The following SPOCK3 variants were observed in gnomAD, a reference collection of about 807,000 sequenced individuals.
The protein encoded by SPOCK3 is testican-3.
In SPOCK3, 30 loss-of-function variants were observed where a neutral mutation model predicts 56.6. That is an observed-to-expected ratio of 0.53 (90% CI 0.40 to 0.72). The LOEUF (loss-of-function observed/expected upper bound fraction) is 0.72, where lower values mean the gene tolerates loss of function less well. Ranked by LOEUF, SPOCK3 falls within the 30% of genes least tolerant of loss-of-function variation. The probability of loss-of-function intolerance (pLI) is 0.00; values close to 1 mark genes in which losing one functional copy is unlikely to be tolerated. For missense variants in SPOCK3, 527 were observed against 530.0 expected, an observed-to-expected ratio of 0.99 and a Z score of 0.06; for synonymous variants, 196 against 183.3, an observed-to-expected ratio of 1.07 and a Z score of -0.56.
intron 5 of SPOCK3, 90 bp from the exon 6 acceptor site, chr4:166,889,334 A>G (rs1375986281): frequency 2.6e-6 from 2 of 782,490 alleles, no homozygotes; most frequent in East Asian, 5.2e-5. Context: ...GTAATTTTTG[A>G]TGCATATAAT....
Position 167,036,793 on chromosome 4 carries a change from A to AT in SPOCK3, c.235+25698dup, listed in dbSNP as rs200897070. On this transcript the variant is annotated intron_variant, in intron 3 of 10. Transcript: ENST00000357545. ...ACGACTCTCTAGGTTTTTATGGTTT[A>AT]TTTTTTTTTAATATTTAGATGGCTT... 9.0e-3 allele frequency among the ~76,000 whole-genome samples: 1,346 copies of AT among 150,212 alleles called. 19 individuals are homozygous for AT. Among genetic ancestry groups the AT allele is most frequent in the African/African-American group, 0.03 (1,248 of 41,154 alleles).
intron 2 of SPOCK3, among the ~76,000 whole-genome samples, chr4:167,227,889 T>C (rs1037107350): frequency 2.6e-5 from 4 of 152,180 alleles, no homozygotes; most frequent in Admixed American, 6.5e-5. Flanking sequence ...TGGTACACGA[T>C]GTTCCTTTTG....
At chr4:166,934,291 C>A (rs555235121) in intron 4 of SPOCK3, among the ~76,000 whole-genome samples, 2 of 150,458 alleles carry the variant, frequency 1.3e-5, no homozygotes, top group Admixed American at 6.6e-5. Context: ...GAGATGGAAC[C>A]ATCCTGGCTA....
rs549110278 is a variant in SPOCK3, at chr4:167,088,844, C to T, written c.190-26307G>A. Reference sequence around the variant, plus strand: ...TTTTATAGTAGCTAGTACCTACATTCGATGATGAATCCTACCTTGTAATTG... The same window carrying T: ...TTTTATAGTAGCTAGTACCTACATTTGATGATGAATCCTACCTTGTAATTG... On this transcript the variant is annotated intron_variant, in intron 2 of 10. Transcript: ENST00000357545. Among the ~76,000 whole-genome samples the T allele has an allele frequency of 8.5e-5, 13 of 152,196 alleles. No individual in the cohort carries two copies. In the East Asian group the frequency reaches 1.2e-3, roughly 14 times the overall value.
At chr4:167,100,315 G>C (rs1269125914) in intron 2 of SPOCK3, among the ~76,000 whole-genome samples, 1 of 151,918 alleles carries the variant, frequency 6.6e-6, no homozygotes, top group Admixed American at 6.6e-5. Flanking sequence ...TCTCTTTTCT[G>C]TTACTAAAAG....
At chr4:166,941,059 T>G (rs1182568625) in intron 4 of SPOCK3, among the ~76,000 whole-genome samples, 1 of 152,088 alleles carries the variant, frequency 6.6e-6, no homozygotes, top group Non-Finnish European at 1.5e-5. Context: ...GTTTAAATTC[T>G]TTTAAAGCAA....
intron 3 of SPOCK3, among the ~76,000 whole-genome samples, chr4:167,057,712 G>C (rs1755062173): frequency 2.0e-5 from 3 of 152,044 alleles, no homozygotes; most frequent in Non-Finnish European, 4.4e-5. Flanking sequence ...AATGGTAAAG[G>C]GATCAATTCA....
chr4:166,810,356 C>T (rs761761902), intron 6 of SPOCK3, among the ~76,000 whole-genome samples: 3 of 152,000 alleles, frequency 2.0e-5, no homozygotes, highest in South Asian at 2.1e-4. Flanking sequence ...CCACCTAACT[C>T]GGTTAGATAA....
intron 4 of SPOCK3, among the ~76,000 whole-genome samples, chr4:166,949,578 C>T (rs865891682): frequency 1.9e-4 from 29 of 152,246 alleles, no homozygotes; most frequent in Middle Eastern, 3.4e-3. Context: ...CTTAGCTGCA[C>T]GTCTGTTGGA....
chr4:166,840,933 C>G (rs2126828572), intron 6 of SPOCK3, among the ~76,000 whole-genome samples: 1 of 151,932 alleles, frequency 6.6e-6, no homozygotes, highest in East Asian at 1.9e-4. Flanking sequence ...TGCCCGCCAC[C>G]ACGCCCGGCT....
At chr4:166,936,069 T>A (rs1254601836) in intron 4 of SPOCK3, among the ~76,000 whole-genome samples, 1 of 152,172 alleles carries the variant, frequency 6.6e-6, no homozygotes, top group South Asian at 2.1e-4. Context: ...TTAATAAATA[T>A]CTGCATCTAA....
intron 8 of SPOCK3, among the ~76,000 whole-genome samples, chr4:166,746,955 A>G (rs1735699877): frequency 6.6e-6 from 1 of 152,214 alleles, no homozygotes; most frequent in Non-Finnish European, 1.5e-5. Flanking sequence ...ATCCCTGAAT[A>G]GACCAATAAC....
intron 4 of SPOCK3, among the ~76,000 whole-genome samples, chr4:166,942,383 G>A (rs1741187542): frequency 6.7e-6 from 1 of 148,744 alleles, no homozygotes; most frequent in South Asian, 2.1e-4. Flanking sequence ...GCTAATTTTT[G>A]TATTTTTAGT....
In SPOCK3 at chr4:166,955,251, A is replaced by T. The variant is rs188780807; in HGVS notation, c.351-42508T>A. ...TCAATATATTTTTAAAGAATATTGT[A>T]TTGTCATAATACATATATTTATTTT... On this transcript the variant is annotated intron_variant, in intron 4 of 10. Transcript: ENST00000357545. Among the ~76,000 whole-genome samples, 244 of 151,582 alleles carry T rather than the reference A, an allele frequency of 1.6e-3. 6 individuals are homozygous for T. In the East Asian group the frequency reaches 0.044, roughly 28 times the overall value.
intron 7 of SPOCK3, among the ~76,000 whole-genome samples, chr4:166,763,237 T>C (rs906874352): frequency 2.0e-5 from 3 of 151,788 alleles, no homozygotes; most frequent in Non-Finnish European, 4.4e-5. Flanking sequence ...TCAGAGGCTA[T>C]GAAGCCCAGA....
At chr4:167,008,890 A>T (rs566397367) in intron 3 of SPOCK3, among the ~76,000 whole-genome samples, 1 of 152,238 alleles carries the variant, frequency 6.6e-6, no homozygotes, top group East Asian at 1.9e-4. Flanking sequence ...CCTATTTAGT[A>T]CTATGGTCAC....
At chr4:166,808,504 C>G (rs1022540342) in intron 6 of SPOCK3, among the ~76,000 whole-genome samples, 1 of 151,940 alleles carries the variant, frequency 6.6e-6, no homozygotes, top group Non-Finnish European at 1.5e-5. Flanking sequence ...AGGCTGCCAT[C>G]TGCAAACCAG....
intron 10 of SPOCK3, among the ~76,000 whole-genome samples, chr4:166,736,019 C>T (rs973473074): frequency 9.2e-5 from 14 of 152,098 alleles, no homozygotes; most frequent in East Asian, 5.8e-4. Flanking sequence ...CAAATGCTAG[C>T]GTGGATTTAT....
chr4:167,027,527 A>G (rs1325904871), intron 3 of SPOCK3, among the ~76,000 whole-genome samples: 2 of 152,034 alleles, frequency 1.3e-5, no homozygotes, highest in African/African-American at 4.8e-5. Flanking sequence ...GATTTAAAAC[A>G]TAGGGGTGGG....
Sources: gnomAD v4.1 joint callset for allele counts (sites outside exome capture counted in the v4.1 genomes callset) on GRCh38, gnomAD v4.1.1 for gene constraint, MANE v1.5 for transcripts, NCBI Gene and HGNC (gene_info 2026-07-23, HGNC 2026-07-21) for gene names.